The following RSRC1 variants were observed in gnomAD, a reference collection of about 807,000 sequenced individuals.
RSRC1 encodes serine/Arginine-related protein 53.
RSRC1 carries 39 observed loss-of-function variants against 49.1 expected under a neutral mutation model. The ratio of observed to expected loss-of-function variants is 0.79; its 90% CI spans 0.61 to 1.04. The LOEUF is 1.04. RSRC1 is among the 50% of genes least tolerant of loss of function. The probability of loss-of-function intolerance (pLI) is 0.00; values close to 1 mark genes in which losing one functional copy is unlikely to be tolerated. For missense variants in RSRC1, 388 were observed against 402.4 expected (o/e 0.96, Z 0.31); for synonymous variants, 143 against 130.8 (o/e 1.09, Z -0.63).
intron 6 of RSRC1, among the ~76,000 whole-genome samples, chr3:158,439,853 G>A (rs1057381233): frequency 6.6e-6 from 1 of 151,652 alleles, no homozygotes; most frequent in African/African-American, 2.4e-5. Context: ...CAGTGTGATA[G>A]GACTACTGCC....
At chr3:158,171,671 C>G (rs1219294383) in intron 3 of RSRC1, among the ~76,000 whole-genome samples, 1 of 152,022 alleles carries the variant, frequency 6.6e-6, no homozygotes, top group Non-Finnish European at 1.5e-5. Context: ...GATAAATGGC[C>G]TGGTGTGGTG....
chr3:158,221,687 A>G (rs1219573738), intron 4 of RSRC1, among the ~76,000 whole-genome samples: 1 of 151,476 alleles, frequency 6.6e-6, no homozygotes, highest in Non-Finnish European at 1.5e-5. Flanking sequence ...AGATTTCATA[A>G]AGTAGATGCC....
At chr3:158,497,138 A>G (rs996122532) in intron 7 of RSRC1, among the ~76,000 whole-genome samples, 2 of 152,176 alleles carry the variant, frequency 1.3e-5, no homozygotes, top group African/African-American at 2.4e-5. Context: ...ACACTGTTGT[A>G]CAACAGATCT....
intron 6 of RSRC1, among the ~76,000 whole-genome samples, chr3:158,364,300 A>G (rs569913880): frequency 1.1e-4 from 17 of 148,822 alleles, no homozygotes; most frequent in African/African-American, 4.1e-4. Context: ...CTCACTATCT[A>G]TGGCTCCGAG....
chr3:158,517,152 T>C (rs1740606449), intron 7 of RSRC1, among the ~76,000 whole-genome samples: 1 of 151,304 alleles, frequency 6.6e-6, no homozygotes, highest in Non-Finnish European at 1.5e-5. Flanking sequence ...CTAGTTGCCT[T>C]ATATTTTTTG....
chr3:158,310,580 C>T (rs191661804), intron 5 of RSRC1, among the ~76,000 whole-genome samples: 4 of 151,794 alleles, frequency 2.6e-5, no homozygotes, highest in Admixed American at 2.6e-4. Context: ...ACAAATGTAA[C>T]ATGGTTAGCT....
chr3:158,331,846 T>C (rs1218266831), intron 5 of RSRC1, among the ~76,000 whole-genome samples: 1 of 150,408 alleles, frequency 6.6e-6, no homozygotes, highest in Non-Finnish European at 1.5e-5. Flanking sequence ...TAAGTATAAG[T>C]GGGTGTTAAT....
intron 5 of RSRC1, among the ~76,000 whole-genome samples, chr3:158,306,096 C>T (rs1027503383): frequency 1.3e-5 from 2 of 151,904 alleles, no homozygotes; most frequent in South Asian, 2.1e-4. Flanking sequence ...TTAAAAACTT[C>T]GTTATATGCT....
chr3:158,524,066 G>C (rs1263776527), intron 7 of RSRC1, among the ~76,000 whole-genome samples: 1 of 151,966 alleles, frequency 6.6e-6, no homozygotes, highest in Non-Finnish European at 1.5e-5. Flanking sequence ...TTTCACCTCT[G>C]TTACAATTCT....
chr3:158,515,816 G>C (rs368388041), intron 7 of RSRC1, among the ~76,000 whole-genome samples: 16 of 151,820 alleles, frequency 1.1e-4, no homozygotes, highest in African/African-American at 2.9e-4. Flanking sequence ...TCTTTTTTCT[G>C]TAAACTTCCC....
At chr3:158,315,079 A>T (rs1728350739) in intron 5 of RSRC1, among the ~76,000 whole-genome samples, 1 of 152,110 alleles carries the variant, frequency 6.6e-6, no homozygotes, top group Admixed American at 6.6e-5. Flanking sequence ...TTAGACTCTG[A>T]TACTGTGTCA....
rs1159169492 is a variant in RSRC1, at chr3:158,532,576, T to C, written c.653-4516T>C. ...AAACATCAACAGTAACTAATACAAT[T>C]TTTTAAAAATTTTTCATCACAAAAG... is the stretch of plus-strand genomic sequence containing the variant. On this transcript the variant is annotated intron_variant, in intron 7 of 9. Transcript: ENST00000611884. 2.6e-5 allele frequency among the ~76,000 whole-genome samples: 4 copies of C among 151,840 alleles called. No individual in the cohort carries two copies. In the East Asian group the frequency reaches 7.7e-4, roughly 29 times the overall value.
At chr3:158,385,780 A>T in intron 6 of RSRC1, among the ~76,000 whole-genome samples, 1 of 152,186 alleles carries the variant, frequency 6.6e-6, no homozygotes, top group East Asian at 1.9e-4. Context: ...TTTCATAGCC[A>T]TTATTCATTC....
intron 1 of RSRC1, among the ~76,000 whole-genome samples, chr3:158,111,292 A>G (rs1047254879): frequency 1.3e-4 from 20 of 152,242 alleles, no homozygotes; most frequent in African/African-American, 4.8e-4. Context: ...AAGTGATATA[A>G]CACTTTATGT....
At chr3:158,264,958 T>C (rs983809295) in intron 4 of RSRC1, among the ~76,000 whole-genome samples, 5 of 152,210 alleles carry the variant, frequency 3.3e-5, no homozygotes, top group African/African-American at 1.2e-4. Flanking sequence ...TGCTAATTAG[T>C]ACTTTGCTGA....
chr3:158,119,085 C>G (rs552850204), intron 1 of RSRC1, among the ~76,000 whole-genome samples: 57 of 152,308 alleles, frequency 3.7e-4, no homozygotes, highest in Non-Finnish European at 6.6e-4. Flanking sequence ...TAAACGTTCT[C>G]TCCTCTGAGG....
intron 3 of RSRC1, among the ~76,000 whole-genome samples, chr3:158,160,386 G>A (rs1264229316): frequency 6.6e-6 from 1 of 152,066 alleles, no homozygotes; most frequent in African/African-American, 2.4e-5. Context: ...CTTCCAAAAT[G>A]GAGAAAATGT....
At position 158,119,899 on chromosome 3, in the gene RSRC1, C is replaced by T. The variant is rs144732446; in HGVS notation, c.-2-2204C>T. On this transcript the variant is annotated intron_variant, in intron 1 of 9. Transcript: ENST00000611884. Reference sequence around the variant, plus strand: ...AGGCTGGAGTGCAATGGCACTATCTCGGCTCACTGCAACCTCCGCCTCCCA... The same window carrying T: ...AGGCTGGAGTGCAATGGCACTATCTTGGCTCACTGCAACCTCCGCCTCCCA... Among the ~76,000 whole-genome samples the T allele has an allele frequency of 5.6e-3, 813 of 144,478 alleles. 9 individuals carry two copies. Among genetic ancestry groups the T allele is most frequent in the African/African-American group, 0.02 (776 of 38,708 alleles). The allele number at this position is 144,478 out of a possible 152,430, so 94.8% of individuals were successfully genotyped here. A position where few individuals can be genotyped will look rare whatever the true frequency, so the allele number is the denominator to read the frequency against.
intron 6 of RSRC1, among the ~76,000 whole-genome samples, chr3:158,403,039 T>C (rs1733975328): frequency 6.6e-6 from 1 of 151,814 alleles, no homozygotes; most frequent in South Asian, 2.1e-4. Context: ...CTAATACACT[T>C]TGAATAAAAC....
Sources: gnomAD v4.1 joint callset for allele counts (sites outside exome capture counted in the v4.1 genomes callset) on GRCh38, gnomAD v4.1.1 for gene constraint, MANE v1.5 for transcripts, NCBI Gene and HGNC (gene_info 2026-07-23, HGNC 2026-07-21) for gene names.